The following ADAM20 variants were observed in gnomAD, a reference collection of about 807,000 sequenced individuals.
The protein encoded by ADAM20 is disintegrin and metalloproteinase domain-containing protein 20.
For missense variants in ADAM20, 871 were observed against 883.2 expected, an observed-to-expected ratio of 0.99 and a Z score of 0.18; for synonymous variants, 305 against 310.2, an observed-to-expected ratio of 0.98 and a Z score of 0.18.
At position 70,523,193 on chromosome 14, in the gene ADAM20, T is replaced by C. The variant is rs369562503; in HGVS notation, c.1565A>G (p.Asp522Gly). 3.6e-5 allele frequency: 58 copies of C among 1,613,866 alleles called. No individual in the cohort carries two copies. The highest frequency in any genetic ancestry group is 1.5e-4 in the Admixed American group (9 of 59,962). Reference protein sequence around the residue: ...DIQCKEIFGQDARSASQSCYQ... With the variant: ...DIQCKEIFGQGARSASQSCYQ... ...GCAACTCTGAGATGCACTCCTTGCA[T>C]CTTGGCCAAAAATCTCTTTACATTG... Residue 522 changes from aspartate to glycine, a missense_variant, in exon 2 of 2, where the codon GAT becomes GGT. By Grantham distance (94) the Asp-to-Gly change is moderately conservative. Transcript: ENST00000256389.
upstream of ADAM20, among the ~76,000 whole-genome samples, chr14:70,535,737 C>A (rs1302868040): frequency 6.6e-6 from 1 of 152,068 alleles, no homozygotes; most frequent in Admixed American, 6.5e-5. Flanking sequence ...ACTTCTACTC[C>A]AAAATATTTG....
At chr14:70,532,562 C>A (rs1450848081) in intron 1 of ADAM20, among the ~76,000 whole-genome samples, 1 of 152,140 alleles carries the variant, frequency 6.6e-6, no homozygotes, top group Non-Finnish European at 1.5e-5. Flanking sequence ...ATTTAAATTA[C>A]CATCCAATGT....
chr14:70,540,734 GAA>G, the ADAM20 span, among the ~76,000 whole-genome samples: 39 of 152,156 alleles, frequency 2.6e-4, no homozygotes, highest in Non-Finnish European at 1.6e-4. Flanking sequence ...AGACATGAAG[GAA>G]GTTTGCTTTG....
chr14:70,531,358 T>C (rs1377556877), intron 1 of ADAM20, among the ~76,000 whole-genome samples: 2 of 152,060 alleles, frequency 1.3e-5, no homozygotes, highest in Admixed American at 1.3e-4. Flanking sequence ...AAGAAAATGG[T>C]CTCAACATTA....
chr14:70,536,601 C>T (rs577570920), upstream of ADAM20, among the ~76,000 whole-genome samples: 1 of 151,110 alleles, frequency 6.6e-6, no homozygotes, highest in Admixed American at 6.6e-5. Context: ...CTTATAAAAG[C>T]ATCACCATTT....
chr14:70,572,330 C>A, the ADAM20 span, among the ~76,000 whole-genome samples: 15 of 152,036 alleles, frequency 9.9e-5, no homozygotes, highest in Non-Finnish European at 2.2e-4. Flanking sequence ...ACAAGGTTGG[C>A]AAAACCAATC....
At position 70,524,020 on chromosome 14, in the gene ADAM20, A is replaced by C. The variant is rs777620333; in HGVS notation, c.738T>G (p.His246Gln). The change falls in exon 2 of 2, where the codon CAT becomes CAG. Residue 246 changes from histidine to glutamine, a missense_variant. Coordinates refer to ENST00000256389, the MANE Select transcript of ADAM20 (RefSeq NM_003814.5). ...NVVNIVDSFY[H>Q]PLEVDVILTG... The stretch of plus-strand genomic sequence containing the variant: ...TCAAAATTACATCAACCTCCAAAGG[A>C]TGATAGAAGGAATCCACTATATTGA... 1 of 1,613,950 alleles carries C rather than the reference A, an allele frequency of 6.2e-7. No individual in the cohort carries two copies. Among genetic ancestry groups the C allele is most frequent in the East Asian group, 2.2e-5 (1 of 44,868 alleles).
chr14:70,527,280 A>G (rs1883610113), intron 1 of ADAM20, among the ~76,000 whole-genome samples: 2 of 152,130 alleles, frequency 1.3e-5, no homozygotes, highest in Non-Finnish European at 2.9e-5. Context: ...TGAAAGATGT[A>G]TCTTCCTCCA....
chr14:70,565,332 G>C, the ADAM20 span, among the ~76,000 whole-genome samples: 8 of 151,814 alleles, frequency 5.3e-5, no homozygotes, highest in Non-Finnish European at 1.2e-4. Context: ...GAGGAGAAGA[G>C]AAAGAGAAAG....
At chr14:70,541,267 C>G in the ADAM20 span, among the ~76,000 whole-genome samples, 3 of 152,132 alleles carry the variant, frequency 2.0e-5, no homozygotes, top group Admixed American at 6.5e-5. Flanking sequence ...ATTAGGCCTC[C>G]TCAATGCTTT....
the ADAM20 span, among the ~76,000 whole-genome samples, chr14:70,545,327 T>C: frequency 6.6e-6 from 1 of 152,190 alleles, no homozygotes; most frequent in Non-Finnish European, 1.5e-5. Flanking sequence ...ACAGAGAATC[T>C]GCGCACTTGG....
chr14:70,571,743 A>T, the ADAM20 span, among the ~76,000 whole-genome samples: 1 of 152,204 alleles, frequency 6.6e-6, no homozygotes, highest in Non-Finnish European at 1.5e-5. Context: ...AACGTTAAAG[A>T]TTCATCCAAA....
chr14:70,562,654 CA>C, the ADAM20 span, among the ~76,000 whole-genome samples: 6 of 152,286 alleles, frequency 3.9e-5, no homozygotes, highest in East Asian at 1.2e-3. Flanking sequence ...TGAGTTCTCA[CA>C]AGATCAATGG....
At chr14:70,556,810 G>A in the ADAM20 span, 1 of 152,180 alleles carries the variant, frequency 6.6e-6, no homozygotes, top group Non-Finnish European at 1.5e-5. Context: ...CAGGACTTAA[G>A]TATGCATGGA....
chr14:70,524,892 G>A lies in ADAM20; in HGVS notation c.-135C>T, dbSNP rs1463419743. On this transcript the variant is annotated 5_prime_UTR_variant, in exon 2 of 2. The change creates a premature stop within an existing upstream ORF in the 5' untranslated region. Transcript: ENST00000256389. Reference sequence around the variant, plus strand: ...TTAGGGATCTGGGGATCTGTGTCCTGGTGGAGCTGGACCATCAGAGCTGCA... The same window carrying A: ...TTAGGGATCTGGGGATCTGTGTCCTAGTGGAGCTGGACCATCAGAGCTGCA... The A allele has an allele frequency of 1.2e-6, 2 of 1,610,122 alleles. No individual in the cohort carries two copies. Among genetic ancestry groups the A allele is most frequent in the Non-Finnish European group, 8.5e-7 (1 of 1,178,534 alleles).
the ADAM20 span, among the ~76,000 whole-genome samples, chr14:70,577,041 C>G: frequency 6.6e-6 from 1 of 152,166 alleles, no homozygotes; most frequent in Non-Finnish European, 1.5e-5. Flanking sequence ...AGCATTCAAA[C>G]ACATAAAGGT....
the ADAM20 span, among the ~76,000 whole-genome samples, chr14:70,568,933 C>T: frequency 8.6e-5 from 13 of 151,908 alleles, no homozygotes; most frequent in African/African-American, 2.9e-4. Flanking sequence ...GGTCAAGAAC[C>T]AGATATAAGA....
In ADAM20 at chr14:70,524,089, A is replaced by G; in HGVS notation, c.669T>C (p.Ser223=). The change falls in exon 2 of 2, where the codon TCT becomes TCC. Residue 223 remains serine (S), a synonymous_variant. Transcript: ENST00000256389. ...VVVDNIRYLF[S]QSNATTVQHE... is the part of the protein sequence containing the mutation. ...GCTGCACTGTTGTTGCATTACTTTG[A>G]GAGAAAAGATATCTAATATTATCCA... 2 of 1,613,988 alleles carry G rather than the reference A, an allele frequency of 1.2e-6. No individual in the cohort carries two copies. Among genetic ancestry groups the G allele is most frequent in the Non-Finnish European group, 1.7e-6 (2 of 1,179,960 alleles).
the ADAM20 span, among the ~76,000 whole-genome samples, chr14:70,542,499 G>A: frequency 0.039 from 5,986 of 152,248 alleles, 391 homozygotes; most frequent in African/African-American, 0.13. Flanking sequence ...TGACAGGCCA[G>A]GAACCCCAAG....
Sources: allele counts gnomAD v4.1 joint callset (sites outside exome capture counted in the v4.1 genomes callset), GRCh38; gene constraint gnomAD v4.1.1; transcripts MANE v1.5; gene names NCBI Gene and HGNC (gene_info 2026-07-23, HGNC 2026-07-21).